The following TCP1 variants were observed in gnomAD, a reference collection of about 807,000 sequenced individuals.
TCP1 encodes T-complex protein 1 subunit alpha.
TCP1 carries 6 observed loss-of-function variants against 54.7 expected under a neutral mutation model. The observed-to-expected ratio is 0.11, with a 90% CI of 0.06 to 0.22. The LOEUF (loss-of-function observed/expected upper bound fraction) is 0.22, where lower values mean the gene tolerates loss of function less well. Ranked by LOEUF, TCP1 falls within the 10% of genes least tolerant of loss-of-function variation. TCP1 has a pLI of 1.00. For missense variants in TCP1, 511 were observed against 678.2 expected (o/e 0.75, Z 2.74); for synonymous variants, 225 against 229.7 (o/e 0.98, Z 0.19).
At chr6:159,783,654 C>G (rs1454671354) in intron 7 of TCP1, among the ~76,000 whole-genome samples, 2 of 152,168 alleles carry the variant, frequency 1.3e-5, no homozygotes, top group East Asian at 3.8e-4. Context: ...TCACCTGCAC[C>G]TCCAGTATCT....
intron 1 of TCP1, 177 bp downstream of exon 1, chr6:159,789,228 A>G (rs1332670050): frequency 1.6e-6 from 1 of 636,588 alleles, no homozygotes; most frequent in Non-Finnish European, 2.6e-6. Context: ...CGCTGTGGGA[A>G]AAGTGGGGCC....
rs1419396331 is a variant in TCP1 at position 159,787,818 on chromosome 6, T to C, written c.204A>G (p.Glu68=). 5.0e-6 allele frequency: 8 copies of C among 1,614,218 alleles called. No individual in the cohort carries two copies. The highest frequency in any genetic ancestry group is 1.7e-5 in the Admixed American group (1 of 60,028). ...CACAAAGAACTTTAGCTGCAGGATG[T>C]TCTACCTCCAGTAACTTCAGGATGG... ...GATILKLLEV[E]HPAAKVLCEL... Residue 68 remains glutamate (E), a synonymous_variant, in exon 3 of 12, where the codon GAA becomes GAG. Coordinates refer to ENST00000321394, the MANE Select transcript of TCP1 (RefSeq NM_030752.3).
intron 3 of TCP1, 137 bp from the exon 4 acceptor site, chr6:159,786,134 T>C (rs757413967): frequency 1.1e-5 from 7 of 665,084 alleles, no homozygotes; most frequent in East Asian, 2.8e-5. Context: ...ATTAGAAACC[T>C]GGGCGTGAAG....
Position 159,778,549 on chromosome 6 carries a change from T to C in TCP1, c.*496A>G. On this transcript the variant is annotated 3_prime_UTR_variant, in exon 12 of 12. Transcript: ENST00000321394. Reference sequence around the variant, plus strand: ...TTCCTAAGCAGTTAAAATGAAAATTTGAGTTTGAAAGGGTAGCATGCTGAT... The same window carrying C: ...TTCCTAAGCAGTTAAAATGAAAATTCGAGTTTGAAAGGGTAGCATGCTGAT... 8.1e-7 allele frequency: 1 copy of C among 1,235,606 alleles called. No individual in the cohort carries two copies. Among genetic ancestry groups the C allele is most frequent in the Non-Finnish European group, 1.1e-6 (1 of 890,874 alleles). 76.5% of individuals were successfully genotyped at this position (1,235,606 alleles called of 1,614,324 possible). A position where few individuals can be genotyped will look rare whatever the true frequency, so the allele number is the denominator to read the frequency against.
Position 159,780,070 on chromosome 6 carries a change from G to A in TCP1, c.1115C>T (p.Ser372Phe). The A allele has an allele frequency of 6.2e-7, 1 of 1,614,100 alleles. No homozygotes were observed. Reference protein sequence around the residue: ...ILIKNTKARTSASIILRGAND... With the variant: ...ILIKNTKARTFASIILRGAND... ...TGCCCCACGTAAGATAATCGATGCA[G>A]ACGTACGAGCCTTAGTACTGTTCAA... is the stretch of plus-strand genomic sequence containing the variant. Residue 372 changes from serine (S) to phenylalanine (F), a missense_variant, in exon 10 of 12, where the codon TCT becomes TTT. Physicochemically the swap from Ser to Phe is radical, Grantham distance 155. Around this residue, in one of 5 missense-constraint regions of TCP1, gnomAD observed 305 missense variants for 352.8 expected, o/e 0.86. Transcript: ENST00000321394.
intron 3 of TCP1, among the ~76,000 whole-genome samples, chr6:159,787,206 A>G (rs762853910): frequency 2.6e-5 from 4 of 152,146 alleles, no homozygotes; most frequent in Non-Finnish European, 5.9e-5. Context: ...GTGAGATATG[A>G]CAGCACTGCA....
intron 3 of TCP1, among the ~76,000 whole-genome samples, chr6:159,786,712 C>G (rs1194552843): frequency 2.0e-5 from 3 of 152,328 alleles, no homozygotes; most frequent in Non-Finnish European, 4.4e-5. Flanking sequence ...TCCATTCTTT[C>G]ATGGCTAAAG....
At chr6:159,780,364 C>T in intron 9 of TCP1, 79 bp downstream of exon 9, 3 of 1,600,016 alleles carry the variant, frequency 1.9e-6, no homozygotes, top group Non-Finnish European at 2.6e-6. Flanking sequence ...AGACTACAAG[C>T]AGCAAATAAA....
chr6:159,778,876 G>C lies in TCP1; in HGVS notation c.*169C>G. On this transcript the variant is annotated 3_prime_UTR_variant, in exon 12 of 12. Transcript: ENST00000321394. ...CTCAATTTCTTTTTAAACTAATAAA[G>C]TACTAGGTTGCAATATGTGAAATCA... 1.2e-6 allele frequency: 2 copies of C among 1,610,422 alleles called. No homozygotes were observed. The highest frequency in any genetic ancestry group is 1.7e-6 in the Non-Finnish European group (2 of 1,177,366).
At position 159,786,016 on chromosome 6, in the gene TCP1, C is replaced by A; in HGVS notation, c.280-19G>T. On this transcript the variant is annotated intron_variant, in intron 3 of 11. Coordinates refer to ENST00000321394, the MANE Select transcript of TCP1 (RefSeq NM_030752.3). ...TAATAACCTGTTGAGAAAACATTCA[C>A]TGGTCTGAGTGTGCCGGATATTCAA... is the stretch of plus-strand genomic sequence containing the variant. The A allele has an allele frequency of 6.3e-7, 1 of 1,598,004 alleles. No individual in the cohort carries two copies. Among genetic ancestry groups the A allele is most frequent in the Non-Finnish European group, 8.6e-7 (1 of 1,166,264 alleles).
intron 1 of TCP1, chr6:159,788,733 G>A (rs528265937): frequency 1.3e-5 from 2 of 153,118 alleles, no homozygotes; most frequent in Admixed American, 1.3e-4. Flanking sequence ...CGGGGAAGGT[G>A]GTGACTTTCA....
intron 3 of TCP1, 141 bp from the exon 4 acceptor site, chr6:159,786,138 C>A: frequency 1.6e-6 from 1 of 639,162 alleles, no homozygotes; most frequent in South Asian, 2.0e-5. Flanking sequence ...GAAACCTGGG[C>A]GTGAAGGGAG....
chr6:159,783,044 C>T (rs1780612661), intron 7 of TCP1, among the ~76,000 whole-genome samples: 2 of 152,164 alleles, frequency 1.3e-5, no homozygotes, highest in African/African-American at 4.8e-5. Context: ...CCACTCATGA[C>T]ATCTGCCTGT....
intron 7 of TCP1, among the ~76,000 whole-genome samples, chr6:159,783,593 A>G (rs532380632): frequency 2.0e-5 from 3 of 152,116 alleles, no homozygotes; most frequent in African/African-American, 7.2e-5. Context: ...ATCTATAGCA[A>G]TGGTCACACT....
chr6:159,784,147 AAC>A, intron 6 of TCP1, 80 bp from the exon 7 acceptor site: 1 of 1,487,250 alleles, frequency 6.7e-7, no homozygotes, highest in Non-Finnish European at 9.0e-7. Flanking sequence ...ATTGTATGTA[AAC>A]ACACAAATTT....
At chr6:159,781,987 T>C (rs111588478) in intron 7 of TCP1, among the ~76,000 whole-genome samples, 1 of 152,162 alleles carries the variant, frequency 6.6e-6, no homozygotes, top group Non-Finnish European at 1.5e-5. Flanking sequence ...AAGAAGATAA[T>C]AACATGAGAT....
chr6:159,789,432 T>G lies in TCP1; in HGVS notation c.37A>C (p.Thr13Pro), dbSNP rs1780796305. Residue 13 changes from threonine to proline, a missense_variant, in exon 1 of 12, where the codon ACT (threonine) becomes CCT (proline). By Grantham distance (38) the Thr-to-Pro change is conservative. Coordinates refer to ENST00000321394, the MANE Select transcript of TCP1 (RefSeq NM_030752.3). ...GPLSVFGDRS[T>P]GETIRSQNVM... ...TTTTGGGAGCGGATCGTTTCCCCAG[T>G]GCTGCGGTCACCGAACACGGACAAA... 1 of 1,613,520 alleles carries G rather than the reference T, an allele frequency of 6.2e-7. No homozygotes were observed. The highest frequency in any genetic ancestry group is 1.1e-5 in the South Asian group (1 of 91,082).
At chr6:159,780,169 AT>A in intron 9 of TCP1, 82 bp from the exon 10 acceptor site, 1 of 1,510,350 alleles carries the variant, frequency 6.6e-7, no homozygotes, top group Non-Finnish European at 9.0e-7. Context: ...CTCAAAAAAA[AT>A]GGCATTTTAA....
Position 159,778,624 on chromosome 6 carries a change from A to G in TCP1, c.*421T>C, listed in dbSNP as rs1221248894. The G allele has an allele frequency of 1.9e-6, 3 of 1,605,808 alleles. No homozygotes were observed. Among genetic ancestry groups the G allele is most frequent in the East Asian group, 4.5e-5 (2 of 44,768 alleles). On this transcript the variant is annotated 3_prime_UTR_variant, in exon 12 of 12. Transcript: ENST00000321394. ...TAAGATTTTAAACTGTGTCCACAGA[A>G]GAATAAACAATCTAAATCTTTTCTC...
Sources: gnomAD v4.1 joint callset for allele counts (sites outside exome capture counted in the v4.1 genomes callset) on GRCh38, gnomAD v4.1.1 for gene constraint, gnomAD v4.1.1 regional missense constraint, MANE v1.5 for transcripts, NCBI Gene and HGNC (gene_info 2026-07-23, HGNC 2026-07-21) for gene names.